TMCO5A: variants seen among roughly 807,000 people sequenced by gnomAD.
TMCO5A encodes transmembrane and coiled-coil domain-containing protein 5A.
In TMCO5A, 34 loss-of-function variants were observed where a neutral mutation model predicts 42.3. The observed-to-expected ratio is 0.80, with a 90% confidence interval of 0.61 to 1.07. The LOEUF (loss-of-function observed/expected upper bound fraction) is 1.07, where lower values mean the gene tolerates loss of function less well. Ranked by LOEUF, TMCO5A falls within the 50% of genes least tolerant of loss-of-function variation. The probability of loss-of-function intolerance (pLI) is 0.00; values close to 1 mark genes in which losing one functional copy is unlikely to be tolerated. For synonymous variants in TMCO5A, 131 were observed against 115.6 expected (o/e 1.13, Z -0.86); for missense variants, 357 against 327.9 (o/e 1.09, Z -0.69).
At chr15:37,956,211 CAA>C (rs1370152246), downstream of TMCO5A, among the ~76,000 whole-genome samples, 1 of 152,084 alleles carries the variant, frequency 6.6e-6, no homozygotes, top group Non-Finnish European at 1.5e-5. Context: ...CAAACAAATT[CAA>C]AAGCTAGCAG....
chr15:38,014,941 A>G, the TMCO5A span, among the ~76,000 whole-genome samples: 3 of 140,142 alleles, frequency 2.1e-5, no homozygotes, highest in Admixed American at 7.6e-5. Context: ...AGGTCCCACA[A>G]TAGGCCATCT....
At chr15:37,973,491 C>A in the TMCO5A span, among the ~76,000 whole-genome samples, 2 of 151,988 alleles carry the variant, frequency 1.3e-5, no homozygotes, top group South Asian at 4.2e-4. Context: ...AATTTTTCAC[C>A]TCCTTGGTTA....
chr15:37,993,675 G>A, the TMCO5A span, among the ~76,000 whole-genome samples: 1 of 152,108 alleles, frequency 6.6e-6, no homozygotes, highest in African/African-American at 2.4e-5. Context: ...GCCTTGCAAT[G>A]GTGTGGGGAG....
the TMCO5A span, among the ~76,000 whole-genome samples, chr15:37,988,029 T>A: frequency 1.3e-5 from 2 of 151,932 alleles, no homozygotes; most frequent in Non-Finnish European, 2.9e-5. Context: ...TTCTTTAATT[T>A]ATTTCAGCAA....
chr15:37,958,568 G>C (rs1355413719), intron 11 of TMCO5A, among the ~76,000 whole-genome samples: 1 of 152,024 alleles, frequency 6.6e-6, no homozygotes. Flanking sequence ...ACCACAATGA[G>C]ATACCATCTC....
chr15:37,941,005 G>C, intron 6 of TMCO5A, 144 bp from the exon 7 acceptor site: 1 of 664,594 alleles, frequency 1.5e-6, no homozygotes. Flanking sequence ...AAACGGTGCT[G>C]GGTGGCTTAA....
the TMCO5A span, among the ~76,000 whole-genome samples, chr15:38,034,955 C>T: frequency 1.3e-5 from 2 of 152,174 alleles, no homozygotes; most frequent in Admixed American, 6.5e-5. Context: ...GGATCCACAT[C>T]CAGAGCCTAC....
chr15:37,987,493 C>A, the TMCO5A span, among the ~76,000 whole-genome samples: 11 of 151,896 alleles, frequency 7.2e-5, no homozygotes, highest in Admixed American at 7.2e-4. Context: ...TGTCCTGTGT[C>A]ATATTTTATG....
chr15:37,949,268 T>C (rs1292941869), intron 11 of TMCO5A, among the ~76,000 whole-genome samples: 1 of 152,058 alleles, frequency 6.6e-6, no homozygotes, highest in Non-Finnish European at 1.5e-5. Context: ...AAAGTAAGAA[T>C]TGCCTCCAAA....
chr15:37,979,217 T>A, the TMCO5A span, among the ~76,000 whole-genome samples: 2 of 152,080 alleles, frequency 1.3e-5, no homozygotes, highest in African/African-American at 4.8e-5. Context: ...TGCTTTTCCG[T>A]AAGGCAGCGG....
At chr15:38,015,636 A>G in the TMCO5A span, among the ~76,000 whole-genome samples, 1 of 152,340 alleles carries the variant, frequency 6.6e-6, no homozygotes, top group Non-Finnish European at 1.5e-5. Flanking sequence ...TTAACAGTCA[A>G]AGCTTGGAAG....
At chr15:38,002,077 G>A in the TMCO5A span, among the ~76,000 whole-genome samples, 1 of 152,188 alleles carries the variant, frequency 6.6e-6, no homozygotes, top group African/African-American at 2.4e-5. Flanking sequence ...TGAGGAAGTG[G>A]ATTTAGCATT....
chr15:37,954,261 A>T (rs1396863833), downstream of TMCO5A, among the ~76,000 whole-genome samples: 1 of 152,142 alleles, frequency 6.6e-6, no homozygotes, highest in Non-Finnish European at 1.5e-5. Context: ...TTAATAATCA[A>T]ATTCCCAAAG....
At chr15:38,032,474 G>T in the TMCO5A span, among the ~76,000 whole-genome samples, 1 of 152,152 alleles carries the variant, frequency 6.6e-6, no homozygotes, top group Non-Finnish European at 1.5e-5. Flanking sequence ...GCATTATTCT[G>T]CCCTCATAAA....
Position 37,937,698 on chromosome 15 carries a change from T to A in TMCO5A, c.315+302T>A, listed in dbSNP as rs139315442. On this transcript the variant is annotated intron_variant, in intron 5 of 11. Coordinates refer to ENST00000319669, the MANE Select transcript of TMCO5A (RefSeq NM_152453.4). ...TCTGTTGAAGTCATTGACTGGAACC[T>A]TTGCAGTGAGAGGTTAATTTTACTT... Among the ~76,000 whole-genome samples the A allele has an allele frequency of 1.7e-3, 258 of 152,232 alleles. 5 individuals are homozygous for A. Among genetic ancestry groups the A allele is most frequent in the African/African-American group, 5.8e-3 (242 of 41,574 alleles).
chr15:37,936,516 G>GACCAAA (rs1378131531), intron 3 of TMCO5A, 53 bp downstream of exon 3: 4 of 1,563,700 alleles, frequency 2.6e-6, no homozygotes, highest in Non-Finnish European at 3.4e-6. Context: ...AGGGGTGGAG[G>GACCAAA]ACCAAAACCA....
At position 37,941,244 on chromosome 15, in the gene TMCO5A, G is replaced by A. The variant is rs369025776; in HGVS notation, c.444+39G>A. On this transcript the variant is annotated intron_variant, in intron 7 of 11. Transcript: ENST00000319669. Reference sequence around the variant, plus strand: ...CTTCAATGTGACTTCTCCCCAAAAAGGGAAATGTGATCTTTGGTCAGGCAA... The same window carrying A: ...CTTCAATGTGACTTCTCCCCAAAAAAGGAAATGTGATCTTTGGTCAGGCAA... 46 of 1,593,164 alleles carry A rather than the reference G, an allele frequency of 2.9e-5. No homozygotes were observed. In the African/African-American group the frequency reaches 5.1e-4, roughly 18 times the overall value.
rs149464680 is a variant in TMCO5A at position 37,936,602 on chromosome 15, T to C, written c.140+139T>C. On this transcript the variant is annotated intron_variant, in intron 3 of 11. Coordinates refer to ENST00000319669, the MANE Select transcript of TMCO5A (RefSeq NM_152453.4). ...AGTTAATTTTTCATTCTTTGACATT[T>C]CTCTTGAACACTGAAGCATAGCAAG... is the stretch of plus-strand genomic sequence containing the variant. 4.5e-3 allele frequency: 5,281 copies of C among 1,172,794 alleles called. 22 individuals are homozygous for C. Among genetic ancestry groups the C allele is most frequent in the Non-Finnish European group, 5.1e-3 (4,296 of 846,888 alleles). The allele number at this position is 1,172,794 out of a possible 1,614,324, so 72.6% of individuals were successfully genotyped here. A position where few individuals can be genotyped will look rare whatever the true frequency, so the allele number is the denominator to read the frequency against.
the TMCO5A span, among the ~76,000 whole-genome samples, chr15:37,972,956 T>A: frequency 6.6e-6 from 1 of 152,190 alleles, no homozygotes; most frequent in South Asian, 2.1e-4. Context: ...TTTTTGTATA[T>A]GGTGTAAGGA....
Sources: gnomAD v4.1 joint callset for allele counts (sites outside exome capture counted in the v4.1 genomes callset) on GRCh38, gnomAD v4.1.1 for gene constraint, MANE v1.5 for transcripts, NCBI Gene and HGNC (gene_info 2026-07-23, HGNC 2026-07-21) for gene names.